The following PIK3C2B variants were observed in gnomAD, a reference collection of about 807,000 sequenced individuals.
The protein encoded by PIK3C2B is phosphatidylinositol 4-phosphate 3-kinase C2 domain-containing subunit beta.
Under a neutral mutation model 184.3 loss-of-function variants are expected in PIK3C2B, and 83 were observed. The observed-to-expected ratio is 0.45, with a 90% CI of 0.38 to 0.54. The LOEUF is 0.54. Among genes scored for constraint, PIK3C2B ranks in the 20% least tolerant of loss-of-function variants. The pLI is 0.00. For synonymous variants in PIK3C2B, 779 were observed against 837.6 expected, an observed-to-expected ratio of 0.93 and a Z score of 1.21; for missense variants, 1,736 against 2,113.5, an observed-to-expected ratio of 0.82 and a Z score of 3.50.
rs1388516341 is a variant in PIK3C2B, at chr1:204,464,391, C to T, written c.1189+59G>A. The T allele has an allele frequency of 2.0e-6, 3 of 1,511,034 alleles. No individual in the cohort carries two copies. The African/African-American group carries it at 4.1e-5, about 21-fold the overall frequency. 93.6% of individuals were successfully genotyped at this position (1,511,034 alleles called of 1,614,324 possible). A position where few individuals can be genotyped will look rare whatever the true frequency, so the allele number is the denominator to read the frequency against. The stretch of plus-strand genomic sequence containing the variant: ...ATGAGGTGGAAATCGAGTCAAAACA[C>T]AGTCATCCCCACCCCACTTCAAGGG... On this transcript the variant is annotated intron_variant, in intron 4 of 32. Transcript: ENST00000684373.
At chr1:204,425,879 G>T in intron 31 of PIK3C2B, 138 bp from the exon 32 acceptor site, 1 of 722,638 alleles carries the variant, frequency 1.4e-6, no homozygotes. Flanking sequence ...TTATTTGTCT[G>T]CTTCCAAGCT....
At chr1:204,487,192 A>G (rs943267857) in intron 1 of PIK3C2B, among the ~76,000 whole-genome samples, 17 of 152,058 alleles carry the variant, frequency 1.1e-4, no homozygotes, top group African/African-American at 2.7e-4. Flanking sequence ...TGTAACCTCA[A>G]ACTCCCCAGG....
At chr1:204,488,338 T>A (rs1296486513) in intron 1 of PIK3C2B, among the ~76,000 whole-genome samples, 1 of 152,256 alleles carries the variant, frequency 6.6e-6, no homozygotes, top group African/African-American at 2.4e-5. Flanking sequence ...CTACCCTGTA[T>A]AATCTATAGG....
At chr1:204,445,887 T>C in intron 16 of PIK3C2B, 69 bp downstream of exon 16, 4 of 1,079,982 alleles carry the variant, frequency 3.7e-6, no homozygotes, top group Non-Finnish European at 3.8e-6. Flanking sequence ...CTCAGATCAC[T>C]GATGGGCAGT....
intron 1 of PIK3C2B, among the ~76,000 whole-genome samples, chr1:204,494,030 G>C (rs941911900): frequency 6.6e-6 from 1 of 152,194 alleles, no homozygotes; most frequent in Non-Finnish European, 1.5e-5. Flanking sequence ...CCATTGACTG[G>C]TTCAGATCGC....
In PIK3C2B at chr1:204,434,607, G is replaced by T; in HGVS notation, c.3518C>A (p.Ala1173Asp). 1 of 1,611,136 alleles carries T rather than the reference G, an allele frequency of 6.2e-7. No homozygotes were observed. Among genetic ancestry groups the T allele is most frequent in the Non-Finnish European group, 8.5e-7 (1 of 1,177,674 alleles). ...GCAGGAGTAGATAAAGTTCTCCACA[G>T]CCTGGGAGGGGTCAAGGCAGATGGG... ...HNPGEDEYEK[A>D]VENFIYSCAG... The change falls in exon 24 of 33, where the codon GCT (alanine) becomes GAT (aspartate). Residue 1173 changes from alanine (A) to aspartate (D), a missense_variant and splice_region_variant. Coordinates refer to ENST00000684373, the MANE Select transcript of PIK3C2B (RefSeq NM_001377334.1).
chr1:204,494,079 G>A (rs1284600808), intron 1 of PIK3C2B, among the ~76,000 whole-genome samples: 1 of 152,236 alleles, frequency 6.6e-6, no homozygotes, highest in Non-Finnish European at 1.5e-5. Flanking sequence ...TAGCGAGAAG[G>A]GGGTGGGGAC....
At chr1:204,492,526 GA>G (rs1265348835) in intron 1 of PIK3C2B, among the ~76,000 whole-genome samples, 1 of 152,114 alleles carries the variant, frequency 6.6e-6, no homozygotes, top group East Asian at 1.9e-4. Context: ...ACATGATATA[GA>G]TGCAAAGCAC....
intron 1 of PIK3C2B, among the ~76,000 whole-genome samples, chr1:204,473,000 A>G (rs779454985): frequency 6.6e-6 from 1 of 152,212 alleles, no homozygotes; most frequent in African/African-American, 2.4e-5. Flanking sequence ...AGAGGTTGAC[A>G]GTTTCATAAA....
chr1:204,457,928 T>G, intron 8 of PIK3C2B, 54 bp from the exon 9 acceptor site: 2 of 1,538,786 alleles, frequency 1.3e-6, no homozygotes, highest in Non-Finnish European at 1.8e-6. Context: ...GCTCTTGGTC[T>G]CCAACCCCTC....
intron 8 of PIK3C2B, 66 bp downstream of exon 8, chr1:204,459,812 G>A: frequency 7.5e-7 from 1 of 1,326,776 alleles, no homozygotes; most frequent in Non-Finnish European, 1.1e-6. Flanking sequence ...GTGATCCCAG[G>A]AGGACTGAGG....
rs186937661 is a variant in PIK3C2B, at chr1:204,441,568, C to A, written c.3157-5G>T. On this transcript the variant is annotated splice_polypyrimidine_tract_variant and splice_region_variant and intron_variant, in intron 20 of 32. Transcript: ENST00000684373. ...GGAGTTGAAGTAGGAACAGTCCTGC[C>A]ATGGTGAAAAGATAGTGACGAGGGT... 1 of 1,606,226 alleles carries A rather than the reference C, an allele frequency of 6.2e-7. No individual in the cohort carries two copies. The highest frequency in any genetic ancestry group is 1.3e-5 in the African/African-American group (1 of 74,866).
intron 1 of PIK3C2B, among the ~76,000 whole-genome samples, chr1:204,474,271 G>A (rs1044562805): frequency 2.6e-4 from 39 of 152,174 alleles, no homozygotes; most frequent in African/African-American, 7.5e-4. Flanking sequence ...GATTACAGGC[G>A]TGAGCCACCG....
chr1:204,469,295 GA>G lies in PIK3C2B; in HGVS notation c.507del (p.Leu171CysfsTer33). 1 of 1,542,958 alleles carries G rather than the reference GA, an allele frequency of 6.5e-7. No homozygotes were observed. Among genetic ancestry groups the G allele is most frequent in the Non-Finnish European group, 8.7e-7 (1 of 1,145,412 alleles). Reference sequence around the variant, plus strand: ...GGGGACCCCTTTCTGGGAGGCAGGGGAGGGGTATCCCAGATAGAAGCTCGGG... The same window carrying G: ...GGGGACCCCTTTCTGGGAGGCAGGGGGGGGTATCCCAGATAGAAGCTCGGG... Reference protein sequence around the residue: ...LPPRASIWDTPPLPPRKGSPS... With the variant: ...LPPRASIWDTXPLPPRKGSPS... On this transcript the variant is annotated frameshift_variant, in exon 2 of 33. Coordinates refer to ENST00000684373, the MANE Select transcript of PIK3C2B (RefSeq NM_001377334.1). LOFTEE classifies it high-confidence loss of function.
chr1:204,452,760 CTCT>C (rs1654486371), intron 12 of PIK3C2B, among the ~76,000 whole-genome samples: 1 of 145,908 alleles, frequency 6.9e-6, no homozygotes, highest in Admixed American at 7.0e-5. Context: ...GCTCAAGTGA[CTCT>C]CCCACCTCAG....
intron 1 of PIK3C2B, among the ~76,000 whole-genome samples, chr1:204,472,704 C>T (rs761757219): frequency 1.3e-5 from 2 of 152,020 alleles, no homozygotes; most frequent in Non-Finnish European, 2.9e-5. Context: ...CACTTGAACC[C>T]GGGAGGCGGA....
At chr1:204,468,752 A>C in intron 2 of PIK3C2B, 118 bp downstream of exon 2, 16 of 842,016 alleles carry the variant, frequency 1.9e-5, no homozygotes, top group Non-Finnish European at 2.9e-5. Flanking sequence ...CAAAGAGGGT[A>C]GGAGAGGCCT....
Position 204,424,773 on chromosome 1 carries a change from G to C in PIK3C2B, c.*79C>G. 7.0e-7 allele frequency: 1 copy of C among 1,434,028 alleles called. No individual in the cohort carries two copies. Among genetic ancestry groups the C allele is most frequent in the Non-Finnish European group, 9.8e-7 (1 of 1,016,976 alleles). The allele number at this position is 1,434,028 out of a possible 1,614,324, so 88.8% of individuals were successfully genotyped here. ...TGCCCAGGGCCCTGGCCCTTCACAA[G>C]GAGGAGTCTCACAGGGGAGAGTCCT... On this transcript the variant is annotated 3_prime_UTR_variant, in exon 33 of 33. Coordinates refer to ENST00000684373, the MANE Select transcript of PIK3C2B (RefSeq NM_001377334.1).
chr1:204,452,386 T>A (rs913995638), intron 12 of PIK3C2B, among the ~76,000 whole-genome samples: 1 of 144,412 alleles, frequency 6.9e-6, no homozygotes, highest in African/African-American at 2.6e-5. Context: ...CAAGTGATTC[T>A]CCCACCTCAG....
Sources: gnomAD v4.1 joint callset for allele counts (sites outside exome capture counted in the v4.1 genomes callset) on GRCh38, gnomAD v4.1.1 for gene constraint, MANE v1.5 for transcripts, NCBI Gene and HGNC (gene_info 2026-07-23, HGNC 2026-07-21) for gene names.